The following SGK3 variants were observed in gnomAD, a reference collection of about 807,000 sequenced individuals.
SGK3 encodes the protein serine/threonine-protein kinase Sgk3.
Under a neutral mutation model 68.5 loss-of-function variants are expected in SGK3, and 47 were observed. That is an observed-to-expected ratio of 0.69 (90% confidence interval 0.54 to 0.87). The LOEUF is 0.87. Among genes scored for constraint, SGK3 ranks in the 40% least tolerant of loss-of-function variants. SGK3 has a pLI of 0.00. For synonymous variants in SGK3, 181 were observed against 189.1 expected (o/e 0.96, Z 0.35); for missense variants, 479 against 575.5 (o/e 0.83, Z 1.72).
Position 66,813,871 on chromosome 8 carries a change from G to T in SGK3, c.272G>T (p.Arg91Leu). 2 of 1,577,780 alleles carry T rather than the reference G, an allele frequency of 1.3e-6. No individual in the cohort carries two copies. Among genetic ancestry groups the T allele is most frequent in the South Asian group, 1.2e-5 (1 of 83,706 alleles). The change falls in exon 5 of 17, where the codon CGA (arginine) becomes CTA (leucine). Residue 91 changes from arginine to leucine, a missense_variant. Physicochemically the swap from Arg to Leu is moderately radical, Grantham distance 102. This residue lies in a region of SGK3 where 298 missense variants were observed against 329.4 expected (regional missense o/e 0.90). Transcript: ENST00000521198. ...CTTCCAGATTTTATTAAACAAAGACGAGCAGGACTAAACGAATTCATTCAG... is the reference window on the plus strand; with the variant it reads ...CTTCCAGATTTTATTAAACAAAGACTAGCAGGACTAAACGAATTCATTCAG... ...NFDPDFIKQR[R>L]AGLNEFIQNL...
intron 1 of SGK3, among the ~76,000 whole-genome samples, chr8:66,719,198 A>G (rs1804728617): frequency 1.3e-5 from 2 of 152,094 alleles, no homozygotes; most frequent in Admixed American, 6.6e-5. Flanking sequence ...TGCTGTTTTT[A>G]TACCCTTCTA....
intron 1 of SGK3, among the ~76,000 whole-genome samples, chr8:66,792,329 C>CAAA (rs1215954300): frequency 3.0e-4 from 16 of 53,554 alleles, no homozygotes; most frequent in African/African-American, 7.0e-4. Context: ...AACTCCATCT[C>CAAA]AAAAAAAAAA....
At position 66,778,637 on chromosome 8, in the gene SGK3, A is replaced by T. The variant is rs191958709; in HGVS notation, c.-121-14979A>T. Among the ~76,000 whole-genome samples, 292 of 152,348 alleles carry T rather than the reference A, an allele frequency of 1.9e-3. 2 individuals are homozygous for T. The highest frequency in any genetic ancestry group is 6.4e-3 in the African/African-American group (265 of 41,580). On this transcript the variant is annotated intron_variant, in intron 1 of 16. Transcript: ENST00000521198. ...ACAAACATGAACTTAAAATTATATCAAACAGACCTTTAAATCGTTAAATAT... is the reference window on the plus strand; with the variant it reads ...ACAAACATGAACTTAAAATTATATCTAACAGACCTTTAAATCGTTAAATAT...
chr8:66,745,896 T>G (rs1459321306), intron 1 of SGK3, among the ~76,000 whole-genome samples: 1 of 152,154 alleles, frequency 6.6e-6, no homozygotes, highest in African/African-American at 2.4e-5. Flanking sequence ...CAAGCCCTTT[T>G]TTTAGTGGCA....
chr8:66,792,669 A>T (rs921171182), intron 1 of SGK3, among the ~76,000 whole-genome samples: 1 of 152,186 alleles, frequency 6.6e-6, no homozygotes, highest in Non-Finnish European at 1.5e-5. Flanking sequence ...GCTTGAGCCC[A>T]GGAGTTCAAG....
intron 7 of SGK3, 123 bp downstream of exon 7, chr8:66,828,826 C>A: frequency 2.5e-6 from 3 of 1,194,910 alleles, no homozygotes; most frequent in Non-Finnish European, 3.6e-6. Flanking sequence ...ACCATAGTTA[C>A]AGTGAATACA....
At chr8:66,725,966 C>A (rs1804973673) in intron 1 of SGK3, among the ~76,000 whole-genome samples, 1 of 152,048 alleles carries the variant, frequency 6.6e-6, no homozygotes, top group Admixed American at 6.5e-5. Context: ...TGTATCTTAT[C>A]ATCATGGTTA....
intron 1 of SGK3, among the ~76,000 whole-genome samples, chr8:66,783,526 A>G (rs1029900305): frequency 2.6e-5 from 4 of 151,404 alleles, no homozygotes; most frequent in Admixed American, 6.6e-5. Context: ...TTTTATTTTT[A>G]TTTTTGTTTT....
intron 1 of SGK3, among the ~76,000 whole-genome samples, chr8:66,762,070 G>C (rs1806184941): frequency 6.6e-6 from 1 of 152,052 alleles, no homozygotes; most frequent in Admixed American, 6.5e-5. Context: ...TTGTCCCCCA[G>C]TGCAGTGGTG....
In SGK3 at chr8:66,775,642, G is replaced by C. The variant is rs1585698442; in HGVS notation, c.-121-17974G>C. On this transcript the variant is annotated intron_variant, in intron 1 of 16. Coordinates refer to ENST00000521198, the MANE Select transcript of SGK3 (RefSeq NM_001033578.3). ...TAAATGTCGAGAAGCCCCAGGTACT[G>C]TCAAGTTTGTATATCCTTTAAAATA... 2.6e-5 allele frequency: 4 copies of C among 152,426 alleles called. 1 individual carries two copies. Among genetic ancestry groups the C allele is most frequent in the Admixed American group, 2.6e-4 (4 of 15,308 alleles). 9.4% of individuals were successfully genotyped at this position (152,426 alleles called of 1,614,324 possible). A position where few individuals can be genotyped will look rare whatever the true frequency, so the allele number is the denominator to read the frequency against.
chr8:66,755,232 C>G (rs1276632717), intron 1 of SGK3, among the ~76,000 whole-genome samples: 1 of 145,760 alleles, frequency 6.9e-6, no homozygotes, highest in East Asian at 2.0e-4. Context: ...GCACTCCAGT[C>G]CGGGGGACAG....
intron 1 of SGK3, among the ~76,000 whole-genome samples, chr8:66,716,268 G>T (rs182061223): frequency 1.3e-5 from 2 of 152,158 alleles, no homozygotes; most frequent in Non-Finnish European, 2.9e-5. Context: ...TGTAGTTCAC[G>T]TCAAAGTAGT....
chr8:66,792,964 G>A (rs367553644), intron 1 of SGK3, among the ~76,000 whole-genome samples: 2 of 152,202 alleles, frequency 1.3e-5, no homozygotes, highest in Non-Finnish European at 2.9e-5. Flanking sequence ...ATGGGCTGCT[G>A]TGTGTAGCAA....
At chr8:66,819,784 TTTG>T (rs1291826442) in intron 5 of SGK3, among the ~76,000 whole-genome samples, 1 of 151,874 alleles carries the variant, frequency 6.6e-6, no homozygotes, top group Non-Finnish European at 1.5e-5. Flanking sequence ...TTCAGTAGTT[TTTG>T]TTTTTTTTGT....
At chr8:66,756,858 T>C (rs1053706886) in intron 1 of SGK3, among the ~76,000 whole-genome samples, 4 of 152,030 alleles carry the variant, frequency 2.6e-5, no homozygotes, top group African/African-American at 7.2e-5. Context: ...CCCAAAGTGC[T>C]GGGATTACAG....
rs1804845142 is a variant in SGK3 at position 66,723,089 on chromosome 8, TCATATATATATATATATATA to T, written c.-122+10257_-122+10276del. On this transcript the variant is annotated intron_variant, in intron 1 of 16. Coordinates refer to ENST00000521198, the MANE Select transcript of SGK3 (RefSeq NM_001033578.3). ...TAAACATTCAGAAGTAAGATTTTGTTCATATATATATATATATATATATATATATATATATATATATATTT... is the reference window on the plus strand; with the variant it reads ...TAAACATTCAGAAGTAAGATTTTGTTTATATATATATATATATATATATTT... Among the ~76,000 whole-genome samples the T allele has an allele frequency of 4.3e-4, 25 of 57,492 alleles. 1 individual carries two copies. The highest frequency in any genetic ancestry group is 1.6e-3 in the African/African-American group (25 of 16,022). The allele number at this position is 57,492 out of a possible 152,430, so 37.7% of individuals were successfully genotyped here.
rs191963687 is a variant in SGK3 at position 66,836,220 on chromosome 8, G to A, written c.741+146G>A. The A allele has an allele frequency of 1.3e-3, 1,441 of 1,101,320 alleles. 16 individuals carry two copies. The African/African-American group carries it at 0.018, about 14-fold the overall frequency. The allele number at this position is 1,101,320 out of a possible 1,614,324, so 68.2% of individuals were successfully genotyped here. ...TCAAGGTACTGGCTGAGTACAGGAT[G>A]TGGAGAATTGTAACACAGAGCTTTT... On this transcript the variant is annotated intron_variant, in intron 10 of 16. Transcript: ENST00000521198.
chr8:66,793,457 G>C (rs1197190216), intron 1 of SGK3, among the ~76,000 whole-genome samples, 159 bp from the exon 2 acceptor site: 1 of 152,132 alleles, frequency 6.6e-6, no homozygotes, highest in Non-Finnish European at 1.5e-5. Flanking sequence ...GCTTGTAGTA[G>C]GAACATAACA....
intron 1 of SGK3, among the ~76,000 whole-genome samples, chr8:66,743,441 A>C (rs1166809998): frequency 6.6e-6 from 1 of 151,790 alleles, no homozygotes; most frequent in Non-Finnish European, 1.5e-5. Context: ...GGGACTTCTC[A>C]CTCAGGCTGT....
Sources: allele counts gnomAD v4.1 joint callset (sites outside exome capture counted in the v4.1 genomes callset), GRCh38; gene constraint gnomAD v4.1.1; regional missense constraint gnomAD v4.1.1; transcripts MANE v1.5; gene names NCBI Gene and HGNC (gene_info 2026-07-23, HGNC 2026-07-21).